The following DLL3 variants were observed in gnomAD, a reference collection of about 807,000 sequenced individuals.
DLL3 encodes delta-like protein 3.
Under a neutral mutation model 55.0 loss-of-function variants are expected in DLL3, and 49 were observed. The observed-to-expected ratio is 0.89, with a 90% CI of 0.71 to 1.13. The LOEUF is 1.13. Among genes scored for constraint, DLL3 ranks in the 50% most tolerant of loss-of-function variants. The pLI, the probability that DLL3 is intolerant of heterozygous loss-of-function variation, is 0.00. For synonymous variants in DLL3, 421 were observed against 385.2 expected (o/e 1.09, Z -1.09); for missense variants, 962 against 875.5 (o/e 1.10, Z -1.25).
Position 39,499,275 on chromosome 19 carries a change from C to T in DLL3, c.153C>T (p.Ser51=), listed in dbSNP as rs373980582. The stretch of plus-strand genomic sequence containing the variant: ...CTGGGGCCCCGCGGTCCCCCTGCAG[C>T]GCCCGGCTCCCCTGCCGCCTCTTCT... The part of the protein sequence containing the change: ...PGPGAPRSPC[S]ARLPCRLFFR... Residue 51 remains serine (S), a synonymous_variant, in exon 2 of 9, where the codon AGC becomes AGT. Coordinates refer to ENST00000356433, the MANE Select transcript of DLL3 (RefSeq NM_203486.3). The T allele has an allele frequency of 3.5e-4, 545 of 1,541,584 alleles. No homozygotes were observed. Among genetic ancestry groups the T allele is most frequent in the Middle Eastern group, 2.8e-3 (13 of 4,690 alleles).
chr19:39,500,819 C>A, intron 3 of DLL3, 147 bp downstream of exon 3: 1 of 731,934 alleles, frequency 1.4e-6, no homozygotes, highest in Admixed American at 2.1e-5. Flanking sequence ...CTTGGCATCT[C>A]AGGCACAGAA....
Position 39,508,427 on chromosome 19 carries a change from C to A in DLL3, c.*170C>A. On this transcript the variant is annotated 3_prime_UTR_variant, in exon 9 of 9. Coordinates refer to ENST00000356433, the MANE Select transcript of DLL3 (RefSeq NM_203486.3). Reference sequence around the variant, plus strand: ...TTATTTATATCCTATTTTTTCTCACCCCATCTCTCTAGAAACACCTATAAA... The same window carrying A: ...TTATTTATATCCTATTTTTTCTCACACCATCTCTCTAGAAACACCTATAAA... 1.3e-6 allele frequency: 1 copy of A among 750,370 alleles called. No individual in the cohort carries two copies. The allele number at this position is 750,370 out of a possible 1,614,324, so 46.5% of individuals were successfully genotyped here.
At position 39,504,075 on chromosome 19, in the gene DLL3, G is replaced by C; in HGVS notation, c.657G>C (p.Val219=). ...CTGCCTCTCTGTCCCCCATAGTGGT[G>C]TGCCGAGCAGGCTGCAGCCCTGAGC... ...PLEDECEAPL[V]CRAGCSPEHG... is the part of the protein sequence containing the mutation. Residue 219 remains valine, a synonymous_variant, in exon 5 of 9, where the codon GTG becomes GTC. Transcript: ENST00000356433. 6.2e-7 allele frequency: 1 copy of C among 1,613,246 alleles called. No homozygotes were observed.
chr19:39,503,263 A>G (rs1427679930), intron 4 of DLL3, among the ~76,000 whole-genome samples: 1 of 152,018 alleles, frequency 6.6e-6, no homozygotes, highest in Non-Finnish European at 1.5e-5. Context: ...CCCGCCCACC[A>G]TCCAGCTGCC....
chr19:39,501,861 T>A (rs2079610988), intron 3 of DLL3, among the ~76,000 whole-genome samples: 1 of 152,134 alleles, frequency 6.6e-6, no homozygotes, highest in South Asian at 2.1e-4. Context: ...CACAGGGTGT[T>A]AGAGGTCTCA....
In DLL3 at chr19:39,499,396, G is replaced by A. The variant is rs776428281; in HGVS notation, c.274G>A (p.Glu92Lys). Residue 92 changes from glutamate to lysine, a missense_variant, in exon 2 of 9, where the codon GAG becomes AAG. Transcript: ENST00000356433. The part of the protein sequence containing the change: ...ALSARGPVYT[E>K]QPGAPAPDLP... The stretch of plus-strand genomic sequence containing the variant: ...GAGTGCGCGCGGACCGGTCTACACC[G>A]AGCAGCCCGGAGCGCCCGCGCCTGA... 6.3e-6 allele frequency: 10 copies of A among 1,579,214 alleles called. No individual in the cohort carries two copies. Among genetic ancestry groups the A allele is most frequent in the Non-Finnish European group, 6.8e-6 (8 of 1,170,338 alleles).
At position 39,505,223 on chromosome 19, in the gene DLL3, G is replaced by C. The variant is rs778193263; in HGVS notation, c.871-6G>C. 6.2e-7 allele frequency: 1 copy of C among 1,613,806 alleles called. No individual in the cohort carries two copies. On this transcript the variant is annotated splice_polypyrimidine_tract_variant and splice_region_variant and intron_variant, in intron 5 of 8. Coordinates refer to ENST00000356433, the MANE Select transcript of DLL3 (RefSeq NM_203486.3). ...ACCCTTCTCAAGTACTCTTGTCCCT[G>C]CCCAGGAGACACCCAGGTCCTTTGA...
intron 3 of DLL3, 83 bp downstream of exon 3, chr19:39,500,755 T>C: frequency 1.6e-6 from 2 of 1,226,440 alleles, no homozygotes; most frequent in East Asian, 2.4e-5. Context: ...ATAGGTCTTA[T>C]GATGTCATCA....
At position 39,507,898 on chromosome 19, in the gene DLL3, C is replaced by T. The variant is rs1296282227; in HGVS notation, c.1742C>T (p.Ser581Phe). 1.2e-6 allele frequency: 2 copies of T among 1,614,160 alleles called. No homozygotes were observed. Among genetic ancestry groups the T allele is most frequent in the Non-Finnish European group, 1.7e-6 (2 of 1,180,024 alleles). Residue 581 changes from serine (S) to phenylalanine (F), a missense_variant, in exon 8 of 9, where the codon TCC becomes TTC. Coordinates refer to ENST00000356433, the MANE Select transcript of DLL3 (RefSeq NM_203486.3). ...PQGIYVISAP[S>F]IYAREA ...GGGATTTATGTCATATCTGCTCCTT[C>T]CATCTACGCTCGGGAGGTAGCGACG... is the stretch of plus-strand genomic sequence containing the variant.
intron 6 of DLL3, 27 bp from the exon 7 acceptor site, chr19:39,507,012 C>A: frequency 6.5e-7 from 1 of 1,530,906 alleles, no homozygotes; most frequent in South Asian, 1.2e-5. Context: ...TCCCGGACTG[C>A]GCCCTCTGAT....
At chr19:39,506,261 T>G (rs1230802134) in intron 6 of DLL3, among the ~76,000 whole-genome samples, 2 of 116,010 alleles carry the variant, frequency 1.7e-5, no homozygotes, top group African/African-American at 3.4e-5. Context: ...AGATCATGAA[T>G]GTAGGCTGAA....
intron 3 of DLL3, among the ~76,000 whole-genome samples, chr19:39,502,050 G>A (rs1247006211): frequency 1.3e-5 from 2 of 151,850 alleles, no homozygotes; most frequent in Non-Finnish European, 2.9e-5. Context: ...AGCCGGGCGT[G>A]GTGGCAGGCG....
chr19:39,505,730 G>A (rs2079636861), intron 6 of DLL3: 2 of 448,030 alleles, frequency 4.5e-6, no homozygotes, highest in Admixed American at 3.4e-5. Flanking sequence ...TAGAGCTGAG[G>A]TGCCTGGTGT....
Position 39,499,408 on chromosome 19 carries a change from G to A in DLL3, c.286G>A (p.Ala96Thr), listed in dbSNP as rs546600885. 216 of 1,584,986 alleles carry A rather than the reference G, an allele frequency of 1.4e-4. No homozygotes were observed. Among genetic ancestry groups the A allele is most frequent in the Non-Finnish European group, 1.8e-4 (206 of 1,173,304 alleles). The change falls in exon 2 of 9, where the codon GCG (alanine) becomes ACG (threonine). Residue 96 changes from alanine (A) to threonine (T), a missense_variant. Ala to Thr is a moderately conservative substitution (Grantham distance 58). Coordinates refer to ENST00000356433, the MANE Select transcript of DLL3 (RefSeq NM_203486.3). ...ACCGGTCTACACCGAGCAGCCCGGA[G>A]CGCCCGCGCCTGATCTCCCACTGCC... Reference protein sequence around the residue: ...RGPVYTEQPGAPAPDLPLPDG... With the variant: ...RGPVYTEQPGTPAPDLPLPDG...
intron 5 of DLL3, 26 bp downstream of exon 5, chr19:39,504,314 C>T: frequency 6.2e-7 from 1 of 1,608,874 alleles, no homozygotes; most frequent in Non-Finnish European, 8.5e-7. Flanking sequence ...CCCACCTTGT[C>T]CTGCTTAGTA....
Position 39,505,404 on chromosome 19 carries a change from A to C in DLL3, c.1046A>C (p.Asn349Thr), listed in dbSNP as rs1254457214. The C allele has an allele frequency of 5.0e-6, 8 of 1,613,946 alleles. No homozygotes were observed. Among genetic ancestry groups the C allele is most frequent in the Non-Finnish European group, 5.9e-6 (7 of 1,180,016 alleles). Residue 349 changes from asparagine (N) to threonine (T), a missense_variant, in exon 6 of 9, where the codon AAC becomes ACC. Transcript: ENST00000356433. ...TGCCCACCCGGTTTCCAAGGCTCCA[A>C]CTGTGAGAAGAGGGTGGACCGGTGC... ...CHCPPGFQGS[N>T]CEKRVDRCSL...
At chr19:39,505,088 C>T (rs534524753) in intron 5 of DLL3, 141 bp from the exon 6 acceptor site, 40 of 806,406 alleles carry the variant, frequency 5.0e-5, no homozygotes, top group East Asian at 2.4e-4. Context: ...GAGGGGATGT[C>T]GGGAGGACCT....
At chr19:39,500,746 T>C in intron 3 of DLL3, 74 bp downstream of exon 3, 3 of 1,328,492 alleles carry the variant, frequency 2.3e-6, no homozygotes, top group South Asian at 2.4e-5. Flanking sequence ...GTGTTATCTA[T>C]AGGTCTTATG....
intron 6 of DLL3, chr19:39,505,743 T>G: frequency 2.4e-6 from 1 of 422,070 alleles, no homozygotes; most frequent in East Asian, 4.7e-5. Flanking sequence ...CCTGGTGTGC[T>G]GAGGATAAGC....
Sources: gnomAD v4.1 joint callset for allele counts (sites outside exome capture counted in the v4.1 genomes callset) on GRCh38, gnomAD v4.1.1 for gene constraint, MANE v1.5 for transcripts, NCBI Gene and HGNC (gene_info 2026-07-23, HGNC 2026-07-21) for gene names.